WDFY4: variants seen among roughly 807,000 people sequenced by gnomAD.
WDFY4 encodes the protein WD repeat- and FYVE domain-containing protein 4.
In WDFY4, 169 loss-of-function variants were observed where a neutral mutation model predicts 351.9. The ratio of observed to expected loss-of-function variants is 0.48; its 90% CI spans 0.42 to 0.55. The LOEUF (loss-of-function observed/expected upper bound fraction) is 0.55. WDFY4 is among the 20% of genes least tolerant of loss of function. The probability of loss-of-function intolerance (pLI) is 0.00; values close to 1 mark genes in which losing one functional copy is unlikely to be tolerated. For synonymous variants in WDFY4, 1,622 were observed against 1,574.6 expected (o/e 1.03, Z -0.71); for missense variants, 3,803 against 3,935.6 (o/e 0.97, Z 0.90).
In WDFY4 at chr10:48,950,881, C is replaced by T. The variant is rs540728236; in HGVS notation, c.7977+3912C>T. On this transcript the variant is annotated intron_variant, in intron 51 of 61. Coordinates refer to ENST00000325239, the MANE Select transcript of WDFY4 (RefSeq NM_001394531.1). ...AGCATGGCCCCTGGTGCCCCCAGTG[C>T]AGAGTGACAGGCAGCACAACAGCTC... Among the ~76,000 whole-genome samples the T allele has an allele frequency of 2.6e-5, 4 of 152,340 alleles. No individual in the cohort carries two copies. In the South Asian group the frequency reaches 8.3e-4, roughly 32 times the overall value.
At chr10:48,901,056 C>T (rs909911984) in intron 46 of WDFY4, among the ~76,000 whole-genome samples, 1 of 152,158 alleles carries the variant, frequency 6.6e-6, no homozygotes, top group Non-Finnish European at 1.5e-5. Context: ...CTCAGAAATT[C>T]AAGCCCTGCC....
chr10:48,745,881 C>T (rs77188950), intron 12 of WDFY4: 30,457 of 279,078 alleles, frequency 0.11, 1,952 homozygotes, highest in East Asian at 0.29. Flanking sequence ...GACCGCGGGC[C>T]CTGCACTGTC....
Position 48,697,911 on chromosome 10 carries a change from AT to A in WDFY4, c.-17-11804del, listed in dbSNP as rs1286329927. On this transcript the variant is annotated intron_variant, in intron 1 of 61. Transcript: ENST00000325239. ...CATGTCACCTTGGCCTGTTTGCTGCATGTCTGCCTCCAGCTTGCTTCCTGCC... is the reference window on the plus strand; with the variant it reads ...CATGTCACCTTGGCCTGTTTGCTGCAGTCTGCCTCCAGCTTGCTTCCTGCC... 2.0e-5 allele frequency among the ~76,000 whole-genome samples: 3 copies of A among 152,204 alleles called. No homozygotes were observed. The East Asian group carries it at 5.8e-4, about 29-fold the overall frequency.
Position 48,776,874 on chromosome 10 carries a change from T to G in WDFY4, c.2988T>G (p.Leu996=). Residue 996 remains leucine (L), a synonymous_variant, in exon 16 of 62, where the codon CTT becomes CTG. Coordinates refer to ENST00000325239, the MANE Select transcript of WDFY4 (RefSeq NM_001394531.1). ...AATCCCAGGATTCAACTACTGCTCT[T>G]CAGACGGCGCTGAGCCTCATCTCCA... ...LGESQDSTTA[L]QTALSLISMT... is the part of the protein sequence containing the mutation. The G allele has an allele frequency of 6.4e-7, 1 of 1,551,902 alleles. No individual in the cohort carries two copies. Among genetic ancestry groups the G allele is most frequent in the Non-Finnish European group, 8.7e-7 (1 of 1,147,032 alleles).
At chr10:48,964,377 C>T (rs946651256) in intron 54 of WDFY4, among the ~76,000 whole-genome samples, 9 of 152,210 alleles carry the variant, frequency 5.9e-5, no homozygotes, top group Admixed American at 2.0e-4. Flanking sequence ...TAAGACATAT[C>T]AAGTGTTTGA....
rs1381724442 is a variant in WDFY4, at chr10:48,805,386, G to A, written c.4611G>A (p.Gln1537=). ...CCATCATTGGCATCCTGGCCTGTCAGCTGAGGGGCCACTTCAGCACCCAGG... is the reference window on the plus strand; with the variant it reads ...CCATCATTGGCATCCTGGCCTGTCAACTGAGGGGCCACTTCAGCACCCAGG... The part of the protein sequence containing the change: ...ISTIIGILAC[Q]LRGHFSTQDL... The change falls in exon 26 of 62, where the codon CAG becomes CAA. Residue 1537 remains glutamine (Q), a synonymous_variant. Coordinates refer to ENST00000325239, the MANE Select transcript of WDFY4 (RefSeq NM_001394531.1). 1 of 1,549,428 alleles carries A rather than the reference G, an allele frequency of 6.5e-7. No homozygotes were observed. The highest frequency in any genetic ancestry group is 8.7e-7 in the Non-Finnish European group (1 of 1,147,028).
At chr10:48,881,501 C>T (rs568722935) in intron 43 of WDFY4, among the ~76,000 whole-genome samples, 24 of 152,176 alleles carry the variant, frequency 1.6e-4, no homozygotes, top group Non-Finnish European at 3.4e-4. Flanking sequence ...AGTGCCAACA[C>T]TCAAACCAAA....
chr10:48,839,229 T>C (rs10776650), intron 39 of WDFY4, among the ~76,000 whole-genome samples: 60,085 of 152,070 alleles, frequency 0.4, 12,786 homozygotes, highest in East Asian at 0.7. Context: ...AGAGCTGAGC[T>C]GAGGATGTCA....
intron 39 of WDFY4, among the ~76,000 whole-genome samples, chr10:48,857,414 T>C (rs72797185): frequency 0.055 from 8,428 of 152,158 alleles, 315 homozygotes; most frequent in Middle Eastern, 0.085. Context: ...TGCCAATGTC[T>C]TGATTTGTGC....
chr10:48,840,197 C>T (rs2068547991), intron 39 of WDFY4, among the ~76,000 whole-genome samples: 1 of 152,274 alleles, frequency 6.6e-6, no homozygotes, highest in East Asian at 1.9e-4. Flanking sequence ...TGTATCATTG[C>T]CCTCAGTCTT....
chr10:48,824,191 C>A (rs1196025428), intron 35 of WDFY4: 1 of 985,274 alleles, frequency 1.0e-6, no homozygotes. Flanking sequence ...TGGTTAAGAG[C>A]GTGGCTTAAG....
At chr10:48,862,030 A>C (rs1201916583) in intron 39 of WDFY4, among the ~76,000 whole-genome samples, 1 of 152,140 alleles carries the variant, frequency 6.6e-6, no homozygotes, top group Non-Finnish European at 1.5e-5. Context: ...AAGGTGTTCT[A>C]TTTATTAACA....
rs2065331985 is a variant in WDFY4, at chr10:48,756,228, G to A, written c.2460-4119G>A. ...CAAAGTCTGTCATATTCAGTGTAGG[G>A]CCTGCACATGTTTTCTTAGATTTAT... On this transcript the variant is annotated intron_variant, in intron 12 of 61. Coordinates refer to ENST00000325239, the MANE Select transcript of WDFY4 (RefSeq NM_001394531.1). Among the ~76,000 whole-genome samples the A allele has an allele frequency of 2.6e-5, 4 of 152,070 alleles. No individual in the cohort carries two copies. The South Asian group carries it at 8.3e-4, about 32-fold the overall frequency.
At chr10:48,965,923 C>A (rs1203990245) in intron 54 of WDFY4, among the ~76,000 whole-genome samples, 1 of 152,068 alleles carries the variant, frequency 6.6e-6, no homozygotes, top group Non-Finnish European at 1.5e-5. Flanking sequence ...AGGACTCAAC[C>A]AGGCAGCATG....
chr10:48,777,315 C>A, intron 16 of WDFY4, 104 bp from the exon 17 acceptor site: 1 of 1,109,406 alleles, frequency 9.0e-7, no homozygotes, highest in Non-Finnish European at 1.3e-6. Flanking sequence ...GGTTACAGTG[C>A]CGGCAGGAGG....
chr10:48,846,617 A>T (rs2068785515), intron 39 of WDFY4, among the ~76,000 whole-genome samples: 1 of 152,164 alleles, frequency 6.6e-6, no homozygotes, highest in Non-Finnish European at 1.5e-5. Context: ...ATCTATGGGG[A>T]CCCAGCCTAA....
intron 5 of WDFY4, among the ~76,000 whole-genome samples, chr10:48,724,005 A>G (rs1465857226): frequency 1.3e-5 from 2 of 152,042 alleles, no homozygotes; most frequent in Non-Finnish European, 2.9e-5. Context: ...CTCAGAAGAC[A>G]TCTCAGGCCT....
intron 24 of WDFY4, among the ~76,000 whole-genome samples, chr10:48,799,099 C>T (rs1309899129): frequency 6.6e-6 from 1 of 152,140 alleles, no homozygotes; most frequent in African/African-American, 2.4e-5. Flanking sequence ...CAGCATGGCC[C>T]AGGAATTACT....
chr10:48,791,977 G>T (rs555906309), intron 23 of WDFY4, among the ~76,000 whole-genome samples: 1 of 152,100 alleles, frequency 6.6e-6, no homozygotes, highest in Non-Finnish European at 1.5e-5. Flanking sequence ...TCCCTCCTGT[G>T]TGTAAAACCT....
Sources: allele counts gnomAD v4.1 joint callset (sites outside exome capture counted in the v4.1 genomes callset), GRCh38; gene constraint gnomAD v4.1.1; transcripts MANE v1.5; gene names NCBI Gene and HGNC (gene_info 2026-07-23, HGNC 2026-07-21).